The following SETBP1 variants were observed in gnomAD, a reference collection of about 807,000 sequenced individuals.
SETBP1 encodes the protein SET binding protein 1.
In SETBP1, 9 loss-of-function variants were observed where a neutral mutation model predicts 101.0. The ratio of observed to expected loss-of-function variants is 0.09; its 90% CI spans 0.05 to 0.16. The LOEUF is 0.16. SETBP1 is among the 10% of genes least tolerant of loss of function. The probability of loss-of-function intolerance (pLI) is 1.00; values close to 1 mark genes in which losing one functional copy is unlikely to be tolerated. For missense variants in SETBP1, 1,858 were observed against 2,033.8 expected, an observed-to-expected ratio of 0.91 and a Z score of 1.66; for synonymous variants, 818 against 788.5, an observed-to-expected ratio of 1.04 and a Z score of -0.63.
At chr18:44,785,723 A>T (rs2071226456) in intron 2 of SETBP1, among the ~76,000 whole-genome samples, 2 of 152,184 alleles carry the variant, frequency 1.3e-5, no homozygotes, top group South Asian at 2.1e-4. Flanking sequence ...TTATCTCTTG[A>T]TTGAGACACA....
At chr18:44,762,656 G>C (rs975896976) in intron 2 of SETBP1, among the ~76,000 whole-genome samples, 1 of 152,208 alleles carries the variant, frequency 6.6e-6, no homozygotes, top group South Asian at 2.1e-4. Context: ...TGTGGGAGTG[G>C]TACCCAGGGA....
At chr18:44,774,729 T>C (rs953764301) in intron 2 of SETBP1, among the ~76,000 whole-genome samples, 1 of 152,078 alleles carries the variant, frequency 6.6e-6, no homozygotes, top group African/African-American at 2.4e-5. Flanking sequence ...AGCCCGAAAA[T>C]AGTTATACAG....
intron 1 of SETBP1, among the ~76,000 whole-genome samples, chr18:44,688,956 G>T (rs2068883125): frequency 6.6e-6 from 1 of 152,168 alleles, no homozygotes. Context: ...GGAAAGGCCT[G>T]CTCTGAGATG....
intron 2 of SETBP1, among the ~76,000 whole-genome samples, chr18:44,710,739 C>T (rs967853330): frequency 7.9e-5 from 12 of 152,090 alleles, no homozygotes; most frequent in African/African-American, 2.2e-4. Context: ...AGTGAATGAC[C>T]GCACCCAGCC....
chr18:45,053,597 G>A (rs1459300427), intron 5 of SETBP1, among the ~76,000 whole-genome samples: 1 of 152,036 alleles, frequency 6.6e-6, no homozygotes, highest in Non-Finnish European at 1.5e-5. Context: ...AACAAATGCA[G>A]TTACTATTAA....
chr18:44,898,002 G>T (rs976498807), intron 3 of SETBP1, among the ~76,000 whole-genome samples: 3 of 152,158 alleles, frequency 2.0e-5, no homozygotes, highest in African/African-American at 7.2e-5. Context: ...GTCCTAAAAA[G>T]GTAGGTGTGT....
intron 2 of SETBP1, among the ~76,000 whole-genome samples, chr18:44,850,270 C>T (rs2072821661): frequency 6.6e-6 from 1 of 152,340 alleles, no homozygotes; most frequent in African/African-American, 2.4e-5. Flanking sequence ...ATTAGACTTC[C>T]CCTTCACTCA....
At chr18:44,737,825 T>G (rs11082403) in intron 2 of SETBP1, among the ~76,000 whole-genome samples, 26,734 of 152,164 alleles carry the variant, frequency 0.18, 2,665 homozygotes, top group Middle Eastern at 0.25. Flanking sequence ...TTGAGTAACT[T>G]TCAGCTGATT....
intron 2 of SETBP1, among the ~76,000 whole-genome samples, chr18:44,744,002 G>A (rs1316417429): frequency 6.6e-6 from 1 of 152,208 alleles, no homozygotes; most frequent in Admixed American, 6.5e-5. Context: ...AGAGATTCTG[G>A]CCACATATAA....
At chr18:44,748,836 A>G (rs1033099279) in intron 2 of SETBP1, among the ~76,000 whole-genome samples, 1 of 152,146 alleles carries the variant, frequency 6.6e-6, no homozygotes, top group Non-Finnish European at 1.5e-5. Context: ...ATGCAACGAG[A>G]CATATTTGCA....
intron 1 of SETBP1, among the ~76,000 whole-genome samples, chr18:44,691,480 T>C (rs1183891902): frequency 1.3e-5 from 2 of 151,912 alleles, no homozygotes; most frequent in Non-Finnish European, 2.9e-5. Context: ...CAGGCAGGAT[T>C]GTAGAGATTT....
intron 3 of SETBP1, among the ~76,000 whole-genome samples, chr18:44,887,155 C>T (rs1370818547): frequency 6.6e-6 from 1 of 152,120 alleles, no homozygotes; most frequent in Non-Finnish European, 1.5e-5. Flanking sequence ...GACATGAACT[C>T]CCTTTGAGTG....
At chr18:44,841,985 A>T (rs1235617003) in intron 2 of SETBP1, among the ~76,000 whole-genome samples, 1 of 152,258 alleles carries the variant, frequency 6.6e-6, no homozygotes, top group African/African-American at 2.4e-5. Flanking sequence ...CCTCACTTTG[A>T]TAAAAGCCAT....
chr18:44,821,908 C>G (rs957852452), intron 2 of SETBP1, among the ~76,000 whole-genome samples: 4 of 152,202 alleles, frequency 2.6e-5, no homozygotes, highest in Non-Finnish European at 4.4e-5. Flanking sequence ...AAGAGCTGTA[C>G]CCCACATCTG....
chr18:45,023,626 C>T (rs953092495), intron 4 of SETBP1, among the ~76,000 whole-genome samples: 6 of 152,258 alleles, frequency 3.9e-5, no homozygotes, highest in East Asian at 3.9e-4. Context: ...TCAGAGAGTT[C>T]GAAGTTAGTT....
chr18:44,788,202 C>T (rs2071286321), intron 2 of SETBP1, among the ~76,000 whole-genome samples: 1 of 151,968 alleles, frequency 6.6e-6, no homozygotes. Context: ...GAAATGGTGC[C>T]ACTTCTCTTG....
chr18:44,787,082 G>A (rs904903816), intron 2 of SETBP1, among the ~76,000 whole-genome samples: 2 of 152,186 alleles, frequency 1.3e-5, no homozygotes, highest in Non-Finnish European at 2.9e-5. Context: ...ATGGTGTGTA[G>A]TAACATAGAA....
At chr18:44,698,910 G>C (rs1240932591) in intron 1 of SETBP1, among the ~76,000 whole-genome samples, 1 of 152,024 alleles carries the variant, frequency 6.6e-6, no homozygotes, top group South Asian at 2.1e-4. Flanking sequence ...ACTTTGTCTT[G>C]TACACGTAGT....
chr18:44,766,882 G>A (rs953629815), intron 2 of SETBP1, among the ~76,000 whole-genome samples: 2 of 152,138 alleles, frequency 1.3e-5, no homozygotes, highest in African/African-American at 4.8e-5. Context: ...AAAATGAAAT[G>A]GTAATAATCT....
Sources: gnomAD v4.1 joint callset for allele counts (sites outside exome capture counted in the v4.1 genomes callset) on GRCh38, gnomAD v4.1.1 for gene constraint, MANE v1.5 for transcripts, NCBI Gene and HGNC (gene_info 2026-07-23, HGNC 2026-07-21) for gene names.